Variants in PTPRK observed in about 807,000 individuals in gnomAD.
The protein encoded by PTPRK is protein tyrosine phosphatase receptor type K.
A neutral mutation model predicts 178.0 loss-of-function variants in PTPRK; 75 were observed. The observed-to-expected ratio is 0.42, with a 90% CI of 0.35 to 0.51. PTPRK has a LOEUF of 0.51. Ranked by LOEUF, PTPRK falls within the 20% of genes least tolerant of loss-of-function variation. PTPRK has a pLI of 0.02. For synonymous variants in PTPRK, 637 were observed against 620.6 expected (o/e 1.03, Z -0.39); for missense variants, 1,441 against 1,797.8 (o/e 0.80, Z 3.59).
chr6:128,323,151 T>TAAAA (rs1280622807), intron 2 of PTPRK, among the ~76,000 whole-genome samples: 3 of 152,108 alleles, frequency 2.0e-5, no homozygotes, highest in Non-Finnish European at 4.4e-5. Flanking sequence ...GCACAGGACA[T>TAAAA]AGAGTCCCAC....
chr6:128,518,511 T>C (rs566816603), intron 1 of PTPRK, among the ~76,000 whole-genome samples: 2 of 152,362 alleles, frequency 1.3e-5, no homozygotes. Flanking sequence ...AGTTTAATTA[T>C]GCAACTGGTA....
intron 3 of PTPRK, among the ~76,000 whole-genome samples, chr6:128,300,715 T>TG (rs1298897423): frequency 1.4e-4 from 6 of 42,552 alleles, no homozygotes; most frequent in African/African-American, 5.7e-4. Flanking sequence ...TGTTGTGGGG[T>TG]GGGGGGAGGG....
chr6:128,064,665 G>A (rs1781443045), intron 13 of PTPRK, 93 bp downstream of exon 13: 78 of 1,470,790 alleles, frequency 5.3e-5, no homozygotes, highest in Non-Finnish European at 6.8e-5. Flanking sequence ...TAACAGAAAT[G>A]TCATATTTAG....
intron 1 of PTPRK, among the ~76,000 whole-genome samples, chr6:128,514,826 C>T (rs908121837): frequency 6.6e-6 from 1 of 152,048 alleles, no homozygotes; most frequent in South Asian, 2.1e-4. Flanking sequence ...CCTCAACAAT[C>T]TAAAAAAAAC....
intron 1 of PTPRK, among the ~76,000 whole-genome samples, chr6:128,431,699 G>A (rs895105395): frequency 2.0e-5 from 3 of 152,174 alleles, no homozygotes; most frequent in Non-Finnish European, 4.4e-5. Flanking sequence ...CTTTCTTAAT[G>A]AAGCAATGGT....
chr6:127,995,301 G>A (rs777400631), intron 18 of PTPRK, 161 bp downstream of exon 18: 14 of 1,604,378 alleles, frequency 8.7e-6, no homozygotes, highest in Admixed American at 1.7e-5. Context: ...GTGAAAGAAA[G>A]CACAACAATG....
chr6:128,387,842 T>G (rs1474217265), intron 2 of PTPRK, among the ~76,000 whole-genome samples: 1 of 152,106 alleles, frequency 6.6e-6, no homozygotes, highest in South Asian at 2.1e-4. Context: ...GGAAACCTGA[T>G]GCTAGGCTGA....
At chr6:128,306,569 G>A (rs1826410217) in intron 3 of PTPRK, among the ~76,000 whole-genome samples, 1 of 152,262 alleles carries the variant, frequency 6.6e-6, no homozygotes, top group Non-Finnish European at 1.5e-5. Flanking sequence ...GTTGAAGCCA[G>A]AGTAGCTTGA....
In PTPRK at chr6:128,089,822, T is replaced by C. The variant is rs762282122; in HGVS notation, c.1333A>G (p.Met445Val). 6 of 1,613,992 alleles carry C rather than the reference T, an allele frequency of 3.7e-6. No homozygotes were observed. The highest frequency in any genetic ancestry group is 5.1e-6 in the Non-Finnish European group (6 of 1,179,982). ...ACATGCTGAGGGGCTTTGGGGTCCA[T>C]GTCCAAACAGTCTGCCTTGCTCTCG... is the stretch of plus-strand genomic sequence containing the variant. ...HNESKADCLDMDPKAPQHVVN... is the reference protein window; with the variant it reads ...HNESKADCLDVDPKAPQHVVN... The change falls in exon 8 of 30, where the codon ATG (methionine) becomes GTG (valine). Residue 445 changes from methionine (M) to valine (V), a missense_variant. Physicochemically the swap from Met to Val is conservative, Grantham distance 21. Around this residue, in one of 4 missense-constraint regions of PTPRK, gnomAD observed 945 missense variants for 1,080.6 expected, o/e 0.87. Transcript: ENST00000368226.
At chr6:128,372,175 A>G (rs1836395976) in intron 2 of PTPRK, among the ~76,000 whole-genome samples, 1 of 152,222 alleles carries the variant, frequency 6.6e-6, no homozygotes, top group African/African-American at 2.4e-5. Flanking sequence ...AGTTCTGACT[A>G]TAAGACTTTT....
At chr6:128,279,907 C>G (rs1821404143) in intron 3 of PTPRK, among the ~76,000 whole-genome samples, 1 of 152,128 alleles carries the variant, frequency 6.6e-6, no homozygotes, top group Admixed American at 6.6e-5. Flanking sequence ...TAGTTGCCAT[C>G]AGCCTGGAAA....
At chr6:128,292,752 A>C (rs1353970722) in intron 3 of PTPRK, among the ~76,000 whole-genome samples, 1 of 152,130 alleles carries the variant, frequency 6.6e-6, no homozygotes, top group East Asian at 1.9e-4. Flanking sequence ...ACATTGACAT[A>C]TATCCATTAT....
chr6:128,138,933 G>A (rs1795391351), intron 7 of PTPRK, among the ~76,000 whole-genome samples: 1 of 152,048 alleles, frequency 6.6e-6, no homozygotes, highest in Non-Finnish European at 1.5e-5. Context: ...AAATGACAAG[G>A]TCTATGCACC....
intron 1 of PTPRK, among the ~76,000 whole-genome samples, chr6:128,500,360 A>AT (rs776096440): frequency 1.1e-4 from 17 of 148,550 alleles, no homozygotes; most frequent in Non-Finnish European, 1.3e-4. Flanking sequence ...TTAACTGAAA[A>AT]TTTGGGGGGG....
At chr6:128,239,774 T>C (rs1814046424) in intron 5 of PTPRK, among the ~76,000 whole-genome samples, 1 of 152,198 alleles carries the variant, frequency 6.6e-6, no homozygotes, top group Non-Finnish European at 1.5e-5. Flanking sequence ...TTTTTTGCAG[T>C]TTGAATATAA....
At chr6:128,352,520 A>G (rs1833332225) in intron 2 of PTPRK, among the ~76,000 whole-genome samples, 1 of 152,088 alleles carries the variant, frequency 6.6e-6, no homozygotes, top group South Asian at 2.1e-4. Flanking sequence ...TGCCCCTCCT[A>G]TCTTCAAAGC....
chr6:128,112,677 G>A (rs187780947), intron 7 of PTPRK, among the ~76,000 whole-genome samples: 5 of 152,098 alleles, frequency 3.3e-5, no homozygotes. Flanking sequence ...ACAGACAAAT[G>A]CTTGTGTGTA....
At chr6:127,997,776 A>G (rs1777330661) in intron 16 of PTPRK, among the ~76,000 whole-genome samples, 1 of 152,094 alleles carries the variant, frequency 6.6e-6, no homozygotes, top group Non-Finnish European at 1.5e-5. Context: ...TGTTTCTGGC[A>G]TATATCTAAA....
chr6:128,032,935 TA>T, intron 13 of PTPRK, among the ~76,000 whole-genome samples: 1 of 152,270 alleles, frequency 6.6e-6, no homozygotes, highest in Non-Finnish European at 1.5e-5. Context: ...CAGATATTTT[TA>T]AAAAATCATT....
Sources: gnomAD v4.1 joint callset for allele counts (sites outside exome capture counted in the v4.1 genomes callset) on GRCh38, gnomAD v4.1.1 for gene constraint, gnomAD v4.1.1 regional missense constraint, MANE v1.5 for transcripts, NCBI Gene and HGNC (gene_info 2026-07-23, HGNC 2026-07-21) for gene names.